Variants in NRG1 observed in about 807,000 individuals in gnomAD.
NRG1 encodes neuregulin 1.
NRG1 carries 18 observed loss-of-function variants against 63.8 expected under a neutral mutation model. The ratio of observed to expected loss-of-function variants is 0.28; its 90% CI spans 0.19 to 0.42. The LOEUF (loss-of-function observed/expected upper bound fraction) is 0.42, where lower values mean the gene tolerates loss of function less well. NRG1 is among the 10% of genes least tolerant of loss of function. The probability of loss-of-function intolerance (pLI) is 1.00; values close to 1 mark genes in which losing one functional copy is unlikely to be tolerated. For missense variants in NRG1, 762 were observed against 814.7 expected, an observed-to-expected ratio of 0.94 and a Z score of 0.79; for synonymous variants, 302 against 301.3, an observed-to-expected ratio of 1.00 and a Z score of -0.02.
chr8:32,362,058 T>C (rs1323760923), intron 1 of NRG1, among the ~76,000 whole-genome samples: 1 of 152,188 alleles, frequency 6.6e-6, no homozygotes, highest in Non-Finnish European at 1.5e-5. Context: ...CCAGATTTGG[T>C]TAGCTTCTCC....
intron 1 of NRG1, among the ~76,000 whole-genome samples, chr8:32,407,552 G>A (rs768273743): frequency 4.1e-4 from 62 of 152,108 alleles, no homozygotes; most frequent in East Asian, 7.7e-4. Flanking sequence ...AGGAAAGAGC[G>A]TGGAGAGAAA....
Position 31,732,905 on chromosome 8 carries a change from A to G in NRG1, c.37+93474A>G, listed in dbSNP as rs187006734. On this transcript the variant is annotated intron_variant, in intron 1 of 10. Coordinates refer to the NRG1 transcript ENST00000519301. The stretch of plus-strand genomic sequence containing the variant: ...TAAGAGTGAGACTCTGTCTCAAAAA[A>G]CAAAAAACAAGTATATTGTGCCCAT... Among the ~76,000 whole-genome samples, 888 of 152,264 alleles carry G rather than the reference A, an allele frequency of 5.8e-3. 5 individuals carry two copies. Among genetic ancestry groups the G allele is most frequent in the Non-Finnish European group, 9.5e-3 (648 of 68,014 alleles).
chr8:31,882,570 G>T (rs913283012), intron 1 of NRG1, among the ~76,000 whole-genome samples: 2 of 152,024 alleles, frequency 1.3e-5, no homozygotes, highest in African/African-American at 2.4e-5. Context: ...TGATTCCTCT[G>T]GTGTATGTGG....
intron 1 of NRG1, among the ~76,000 whole-genome samples, chr8:32,430,012 C>T (rs1235129999): frequency 2.6e-5 from 4 of 152,094 alleles, no homozygotes; most frequent in African/African-American, 9.7e-5. Context: ...AAACTGAATG[C>T]ACTATAGGTT....
At chr8:32,072,284 A>G (rs915565595) in intron 1 of NRG1, among the ~76,000 whole-genome samples, 5 of 138,634 alleles carry the variant, frequency 3.6e-5, no homozygotes, top group African/African-American at 1.4e-4. Flanking sequence ...CTTGTGATTG[A>G]AAAAAAAAAA....
chr8:32,541,167 A>G (rs984414664), intron 1 of NRG1, among the ~76,000 whole-genome samples: 4 of 152,166 alleles, frequency 2.6e-5, no homozygotes, highest in Non-Finnish European at 4.4e-5. Flanking sequence ...GTAACATTCC[A>G]CCAAGAACTT....
At chr8:31,749,641 A>G (rs889131111) in intron 1 of NRG1, among the ~76,000 whole-genome samples, 25 of 150,626 alleles carry the variant, frequency 1.7e-4, no homozygotes, top group Admixed American at 1.5e-3. Flanking sequence ...TTTGTTTTGC[A>G]TTATATTTTT....
intron 1 of NRG1, among the ~76,000 whole-genome samples, chr8:31,929,800 A>G (rs548542499): frequency 6.6e-6 from 1 of 152,092 alleles, no homozygotes; most frequent in Non-Finnish European, 1.5e-5. Context: ...CTGTCTTACA[A>G]TATATATATC....
chr8:31,870,432 T>A (rs949661253), intron 1 of NRG1, among the ~76,000 whole-genome samples: 3 of 152,094 alleles, frequency 2.0e-5, no homozygotes, highest in African/African-American at 7.2e-5. Flanking sequence ...GTGTTCAAGA[T>A]AACTTAGAAG....
intron 5 of NRG1, among the ~76,000 whole-genome samples, chr8:32,661,526 C>G (rs2128875107): frequency 6.6e-6 from 1 of 152,058 alleles, no homozygotes; most frequent in Admixed American, 6.5e-5. Flanking sequence ...CATGGGGAAA[C>G]TAAGATCCAG....
chr8:31,998,419 CA>C (rs1224302372), intron 1 of NRG1, among the ~76,000 whole-genome samples: 1 of 151,868 alleles, frequency 6.6e-6, no homozygotes, highest in Non-Finnish European at 1.5e-5. Context: ...CTAAAATGCA[CA>C]AAGCTTCATG....
intron 1 of NRG1, among the ~76,000 whole-genome samples, chr8:31,819,764 A>G (rs1823825720): frequency 6.6e-6 from 1 of 152,214 alleles, no homozygotes; most frequent in South Asian, 2.1e-4. Flanking sequence ...ACATGGAACT[A>G]TTCAACAAAG....
chr8:32,270,673 C>T (rs899803336), intron 1 of NRG1, among the ~76,000 whole-genome samples: 4 of 152,114 alleles, frequency 2.6e-5, no homozygotes, highest in South Asian at 4.1e-4. Context: ...CATGAAGGTC[C>T]GAGTGAACTT....
At chr8:32,464,190 G>T (rs1377792444) in intron 1 of NRG1, among the ~76,000 whole-genome samples, 1 of 151,538 alleles carries the variant, frequency 6.6e-6, no homozygotes, top group African/African-American at 2.4e-5. Flanking sequence ...CATCACGCCT[G>T]GCTAAACTTA....
At chr8:32,253,300 C>T (rs1849330397) in intron 1 of NRG1, among the ~76,000 whole-genome samples, 2 of 152,062 alleles carry the variant, frequency 1.3e-5, no homozygotes, top group African/African-American at 2.4e-5. Flanking sequence ...CTGTTTTTGC[C>T]TATTCAGTAT....
intron 1 of NRG1, among the ~76,000 whole-genome samples, chr8:32,231,409 A>G (rs753610967): frequency 6.6e-6 from 1 of 152,170 alleles, no homozygotes; most frequent in Non-Finnish European, 1.5e-5. Flanking sequence ...AGGGCATATT[A>G]TATTATTATT....
At chr8:32,354,416 C>T (rs1053316026) in intron 1 of NRG1, among the ~76,000 whole-genome samples, 1 of 152,048 alleles carries the variant, frequency 6.6e-6, no homozygotes, top group Non-Finnish European at 1.5e-5. Context: ...ATACAAAATT[C>T]TAAGAAAAGA....
chr8:31,919,836 G>A (rs529159312), intron 1 of NRG1, among the ~76,000 whole-genome samples: 7 of 152,128 alleles, frequency 4.6e-5, no homozygotes, highest in African/African-American at 1.4e-4. Context: ...AGGTGGGTCC[G>A]GGTCATATCT....
intron 1 of NRG1, among the ~76,000 whole-genome samples, chr8:31,972,824 T>C (rs1807527669): frequency 6.6e-6 from 1 of 152,232 alleles, no homozygotes; most frequent in Non-Finnish European, 1.5e-5. Context: ...TCATGCTGAC[T>C]GTATATCTCA....
Sources: allele counts gnomAD v4.1 joint callset (sites outside exome capture counted in the v4.1 genomes callset), GRCh38; gene constraint gnomAD v4.1.1; transcripts MANE v1.5; gene names NCBI Gene and HGNC (gene_info 2026-07-23, HGNC 2026-07-21).